CFAP58: variants seen among roughly 807,000 people sequenced by gnomAD.
The protein encoded by CFAP58 is cilia and flagella associated protein 58.
Under a neutral mutation model 119.5 loss-of-function variants are expected in CFAP58, and 88 were observed. The observed-to-expected ratio is 0.74, with a 90% CI of 0.62 to 0.88. The LOEUF (loss-of-function observed/expected upper bound fraction) is 0.88, where lower values mean the gene tolerates loss of function less well. Ranked by LOEUF, CFAP58 falls within the 40% of genes least tolerant of loss-of-function variation. CFAP58 has a pLI of 0.00. For missense variants in CFAP58, 990 were observed against 1,021.2 expected, an observed-to-expected ratio of 0.97 and a Z score of 0.42; for synonymous variants, 365 against 366.3, an observed-to-expected ratio of 1.00 and a Z score of 0.04.
chr10:104,451,166 G>A (rs758889779), intron 17 of CFAP58, among the ~76,000 whole-genome samples: 34 of 152,196 alleles, frequency 2.2e-4, no homozygotes, highest in Non-Finnish European at 4.3e-4. Context: ...CACGTTATGG[G>A]CTGAAATTCA....
In CFAP58 at chr10:104,353,852, G is replaced by C; in HGVS notation, c.-46G>C. ...TTTCCCAGACTCCGGCCCAGCTCCT[G>C]CGATCTCCACAGCAGCCTCTGAGGC... On this transcript the variant is annotated 5_prime_UTR_variant, in exon 1 of 18. Coordinates refer to ENST00000369704, the MANE Select transcript of CFAP58 (RefSeq NM_001008723.2). The C allele has an allele frequency of 6.2e-7, 1 of 1,601,266 alleles. No homozygotes were observed. Among genetic ancestry groups the C allele is most frequent in the Non-Finnish European group, 8.5e-7 (1 of 1,170,518 alleles).
chr10:104,382,780 C>G (rs775567540), intron 9 of CFAP58, among the ~76,000 whole-genome samples: 5 of 152,172 alleles, frequency 3.3e-5, no homozygotes, highest in Non-Finnish European at 5.9e-5. Flanking sequence ...GCCTGCTTCC[C>G]CATCCACCAT....
chr10:104,362,783 G>C (rs1039775198), intron 3 of CFAP58, among the ~76,000 whole-genome samples: 6 of 152,028 alleles, frequency 3.9e-5, no homozygotes, highest in African/African-American at 1.5e-4. Flanking sequence ...CCAAATTTAG[G>C]CTCCTGAAGC....
At chr10:104,450,669 TTTTATTTATTTATTTA>T (rs3069011) in intron 17 of CFAP58, among the ~76,000 whole-genome samples, 10 of 143,292 alleles carry the variant, frequency 7.0e-5, no homozygotes, top group African/African-American at 1.1e-4. Flanking sequence ...TTCACCTATG[TTTTATTTATTTATTTA>T]TTTATTTATT....
intron 15 of CFAP58, among the ~76,000 whole-genome samples, chr10:104,427,867 A>G (rs1180933341): frequency 1.3e-5 from 2 of 152,120 alleles, no homozygotes; most frequent in Non-Finnish European, 2.9e-5. Flanking sequence ...CTCCCTCAGC[A>G]ACATCGAGGG....
At chr10:104,438,549 G>C (rs1434731480) in intron 15 of CFAP58, among the ~76,000 whole-genome samples, 2 of 151,692 alleles carry the variant, frequency 1.3e-5, no homozygotes, top group African/African-American at 4.8e-5. Flanking sequence ...CTAATTTTTT[G>C]TATTTTTAGT....
intron 9 of CFAP58, chr10:104,382,433 T>C: frequency 2.0e-6 from 1 of 490,832 alleles, no homozygotes; most frequent in Non-Finnish European, 3.7e-6. Flanking sequence ...CACACCACCA[T>C]CAGAGCTAAC....
At chr10:104,417,751 C>T (rs1172174237) in intron 15 of CFAP58, among the ~76,000 whole-genome samples, 4 of 152,216 alleles carry the variant, frequency 2.6e-5, no homozygotes, top group African/African-American at 9.6e-5. Context: ...TGAGCATCTG[C>T]TTTCACTGCA....
intron 3 of CFAP58, among the ~76,000 whole-genome samples, chr10:104,362,580 T>A (rs995685135): frequency 3.9e-5 from 6 of 152,126 alleles, no homozygotes; most frequent in Non-Finnish European, 8.8e-5. Flanking sequence ...TGCTCTTCCC[T>A]CCTCCTGCTC....
chr10:104,438,388 A>C (rs1407222141), intron 15 of CFAP58, among the ~76,000 whole-genome samples: 1 of 79,100 alleles, frequency 1.3e-5, no homozygotes, highest in African/African-American at 5.0e-5. Context: ...TTTTTTTTTG[A>C]GACGGAGTCT....
chr10:104,401,986 A>AT (rs1358347043), intron 13 of CFAP58, among the ~76,000 whole-genome samples: 1 of 152,216 alleles, frequency 6.6e-6, no homozygotes, highest in Non-Finnish European at 1.5e-5. Flanking sequence ...GCCATGAGTT[A>AT]TTTTTATTAC....
rs561589647 is a variant in CFAP58, at chr10:104,365,483, C to T, written c.598-331C>T. Reference sequence around the variant, plus strand: ...GGTAGCTAGCCACATTTTATTTAGTCCCTATTGATAAAGAACGGGATGAAT... The same window carrying T: ...GGTAGCTAGCCACATTTTATTTAGTTCCTATTGATAAAGAACGGGATGAAT... On this transcript the variant is annotated intron_variant, in intron 4 of 17. Transcript: ENST00000369704. Among the ~76,000 whole-genome samples the T allele has an allele frequency of 6.0e-4, 92 of 152,200 alleles. 1 individual carries two copies. The highest frequency in any genetic ancestry group is 2.2e-3 in the African/African-American group (90 of 41,524).
chr10:104,438,195 TAAAAC>T (rs2012965568), intron 15 of CFAP58, among the ~76,000 whole-genome samples: 2 of 152,342 alleles, frequency 1.3e-5, no homozygotes, highest in South Asian at 4.1e-4. Flanking sequence ...TTTCACAGCT[TAAAAC>T]AACACACATT....
intron 9 of CFAP58, among the ~76,000 whole-genome samples, chr10:104,380,549 C>A (rs760048122): frequency 6.6e-6 from 1 of 152,124 alleles, no homozygotes; most frequent in Non-Finnish European, 1.5e-5. Flanking sequence ...TCTCTCAACT[C>A]TCCAGTCTCC....
At chr10:104,373,371 C>G (rs2014848510) in intron 7 of CFAP58, among the ~76,000 whole-genome samples, 1 of 152,128 alleles carries the variant, frequency 6.6e-6, no homozygotes, top group African/African-American at 2.4e-5. Context: ...TGGTGGCTTA[C>G]ACCTATAATC....
At chr10:104,391,211 T>C (rs1017219430) in intron 9 of CFAP58, among the ~76,000 whole-genome samples, 3 of 152,206 alleles carry the variant, frequency 2.0e-5, no homozygotes, top group Admixed American at 6.5e-5. Context: ...AAGAGGTCCT[T>C]TTCCACCTTT....
chr10:104,438,542 A>AT (rs1380547594), intron 15 of CFAP58, among the ~76,000 whole-genome samples: 3 of 151,468 alleles, frequency 2.0e-5, no homozygotes, highest in South Asian at 2.1e-4. Flanking sequence ...CGCCCGGCTA[A>AT]TTTTTTGTAT....
intron 1 of CFAP58, among the ~76,000 whole-genome samples, chr10:104,356,939 C>G (rs555057669): frequency 1.2e-4 from 19 of 152,118 alleles, no homozygotes; most frequent in Non-Finnish European, 2.6e-4. Context: ...AATATATTAA[C>G]CATACCCATT....
In CFAP58 at chr10:104,447,670, C is replaced by T. The variant is rs199919653; in HGVS notation, c.2257-28C>T. On this transcript the variant is annotated intron_variant, in intron 15 of 17. Transcript: ENST00000369704. ...TCCCTGTTTTGACGGGGCTGTTTAT[C>T]TCTGCTCCTGGTTCTGCTCTCCACT... 1.6e-4 allele frequency: 263 copies of T among 1,611,250 alleles called. No individual in the cohort carries two copies. In the African/African-American group the frequency reaches 3.1e-3, roughly 19 times the overall value.
Sources: gnomAD v4.1 joint callset for allele counts (sites outside exome capture counted in the v4.1 genomes callset) on GRCh38, gnomAD v4.1.1 for gene constraint, MANE v1.5 for transcripts, NCBI Gene and HGNC (gene_info 2026-07-23, HGNC 2026-07-21) for gene names.